The following NOB1 variants were observed in gnomAD, a reference collection of about 807,000 sequenced individuals.
NOB1 encodes the protein RNA-binding protein NOB1.
NOB1 carries 44 observed loss-of-function variants against 44.8 expected under a neutral mutation model. That is an observed-to-expected ratio of 0.98 (90% CI 0.77 to 1.26). The LOEUF is 1.26. NOB1 is among the 50% of genes most tolerant of loss of function. NOB1 has a pLI of 0.00. For synonymous variants in NOB1, 238 were observed against 218.7 expected (o/e 1.09, Z -0.78); for missense variants, 560 against 544.8 (o/e 1.03, Z -0.28).
intron 3 of NOB1, among the ~76,000 whole-genome samples, chr16:69,750,470 T>A (rs935346711): frequency 2.0e-5 from 3 of 151,532 alleles, no homozygotes; most frequent in African/African-American, 4.9e-5. Flanking sequence ...TATAAAAAAA[T>A]TTTAAAATTA....
rs768744592 is a variant in NOB1, at chr16:69,752,281, T to C, written c.287A>G (p.Glu96Gly). Residue 96 changes from glutamate (E) to glycine (G), a missense_variant, in exon 3 of 9, where the codon GAG (glutamate) becomes GGG (glycine). Physicochemically the swap from Glu to Gly is moderately conservative, Grantham distance 98. Transcript: ENST00000268802. ...VLALTYQLEA[E>G]FVGVSHLKQE... ...TTTTAGGTGAGACACCCCAACAAAC[T>C]CTGCTTCCAACTGGTATGTGAGTGC... 2.8e-5 allele frequency: 45 copies of C among 1,613,246 alleles called. No individual in the cohort carries two copies. The highest frequency in any genetic ancestry group is 3.8e-5 in the Non-Finnish European group (45 of 1,179,830).
Position 69,744,945 on chromosome 16 carries a change from G to T in NOB1, c.897C>A (p.Thr299=), listed in dbSNP as rs201462080. The part of the protein sequence containing the change: ...GNKTLKKVSV[T]VSDDGTLHMH... ...TGTGCAGGGTGCCGTCGTCGCTGAC[G>T]GTCACGGACACTTTCTTCAGGGTCT... Residue 299 remains threonine, a synonymous_variant, in exon 8 of 9, where the codon ACC becomes ACA. Transcript: ENST00000268802. 2 of 1,614,162 alleles carry T rather than the reference G, an allele frequency of 1.2e-6. No homozygotes were observed. The highest frequency in any genetic ancestry group is 3.3e-5 in the Admixed American group (2 of 60,010).
intron 4 of NOB1, 104 bp downstream of exon 4, chr16:69,749,454 TG>T: frequency 6.5e-7 from 1 of 1,528,940 alleles, no homozygotes; most frequent in Non-Finnish European, 9.0e-7. Context: ...GGACAAACTA[TG>T]TTATTGGTCC....
chr16:69,748,138 C>G, intron 7 of NOB1, 94 bp downstream of exon 7: 1 of 907,872 alleles, frequency 1.1e-6, no homozygotes, highest in Non-Finnish European at 1.7e-6. Flanking sequence ...GCACTCCAGC[C>G]TAGGTGACAG....
rs1221169615 is a variant in NOB1, at chr16:69,754,906, G to A, written c.5C>T (p.Ala2Val). 6.3e-7 allele frequency: 1 copy of A among 1,583,950 alleles called. No homozygotes were observed. Among genetic ancestry groups the A allele is most frequent in the Non-Finnish European group, 8.6e-7 (1 of 1,166,304 alleles). Residue 2 changes from alanine to valine, a missense_variant, in exon 1 of 9, where the codon GCT becomes GTT. Ala to Val is a moderately conservative substitution (Grantham distance 64). Transcript: ENST00000268802. ...ATCCGCCACAACGTGCTCCACTGGA[G>A]CCATGTTGGCTGCGTGAGAGGGGAG... The part of the protein sequence containing the change: M[A>V]PVEHVVADAG...
chr16:69,754,540 C>G (rs1487964435), intron 2 of NOB1, 54 bp downstream of exon 2: 1 of 1,601,842 alleles, frequency 6.2e-7, no homozygotes, highest in African/African-American at 1.3e-5. Context: ...CAACTGGGTG[C>G]CATCTGCGCC....
rs528901716 is a variant in NOB1 at position 69,742,288 on chromosome 16, C to T, written c.*44G>A. 50 of 1,587,064 alleles carry T rather than the reference C, an allele frequency of 3.2e-5. No homozygotes were observed. In the Middle Eastern group the frequency reaches 5.1e-4, roughly 16 times the overall value. On this transcript the variant is annotated 3_prime_UTR_variant, in exon 9 of 9. Transcript: ENST00000268802. Reference sequence around the variant, plus strand: ...GGGGAAATGGGTCACCGGAACTCCACGGCGGCCAGACGCCCATCCAATTTG... The same window carrying T: ...GGGGAAATGGGTCACCGGAACTCCATGGCGGCCAGACGCCCATCCAATTTG...
intron 3 of NOB1, among the ~76,000 whole-genome samples, chr16:69,750,521 G>A (rs1597617597): frequency 6.6e-6 from 1 of 152,066 alleles, no homozygotes; most frequent in East Asian, 1.9e-4. Context: ...CAGCTACTCG[G>A]GAGGCTGAGG....
rs778600602 is a variant in NOB1, at chr16:69,742,326, C to T, written c.*6G>A. 1.6e-5 allele frequency: 26 copies of T among 1,606,068 alleles called. No homozygotes were observed. In the Admixed American group the frequency reaches 1.7e-4, roughly 10 times the overall value. ...CCCATCCAATTTGCCTGCGGGAACT[C>T]GCTCTTCACCTTTTCTTCACAAACT... On this transcript the variant is annotated 3_prime_UTR_variant, in exon 9 of 9. Coordinates refer to ENST00000268802, the MANE Select transcript of NOB1 (RefSeq NM_014062.3).
Position 69,742,254 on chromosome 16 carries a change from G to A in NOB1, c.*78C>T, listed in dbSNP as rs997678776. On this transcript the variant is annotated 3_prime_UTR_variant, in exon 9 of 9. Coordinates refer to ENST00000268802, the MANE Select transcript of NOB1 (RefSeq NM_014062.3). ...ATTTCCATCGGGTGGTCCTGGAGAC[G>A]ACACGGCTGGGGAAATGGGTCACCG... The A allele has an allele frequency of 1.9e-5, 30 of 1,546,122 alleles. No individual in the cohort carries two copies. The highest frequency in any genetic ancestry group is 7.3e-5 in the Admixed American group (4 of 54,964).
At chr16:69,753,298 T>G (rs543054562) in intron 2 of NOB1, among the ~76,000 whole-genome samples, 2 of 152,342 alleles carry the variant, frequency 1.3e-5, no homozygotes, top group South Asian at 4.1e-4. Flanking sequence ...TGTAGTAGTC[T>G]ATGAGGAAAC....
chr16:69,744,776 G>T, intron 8 of NOB1, 97 bp downstream of exon 8: 2 of 1,377,148 alleles, frequency 1.5e-6, no homozygotes, highest in Non-Finnish European at 2.0e-6. Context: ...GCTTTCAATC[G>T]CCCATCTTGC....
rs555909981 is a variant in NOB1 at position 69,752,594 on chromosome 16, A to G, written c.197-223T>C. Among the ~76,000 whole-genome samples, 26 of 152,362 alleles carry G rather than the reference A, an allele frequency of 1.7e-4. No individual in the cohort carries two copies. The South Asian group carries it at 5.2e-3, about 30-fold the overall frequency. On this transcript the variant is annotated intron_variant, in intron 2 of 8. Coordinates refer to ENST00000268802, the MANE Select transcript of NOB1 (RefSeq NM_014062.3). Reference sequence around the variant, plus strand: ...TTTGTATTCTCCACCACCAAGATTCATGCCAGTTAGATTTACTGTAACACC... The same window carrying G: ...TTTGTATTCTCCACCACCAAGATTCGTGCCAGTTAGATTTACTGTAACACC...
chr16:69,751,033 A>C, intron 3 of NOB1, among the ~76,000 whole-genome samples: 1 of 152,214 alleles, frequency 6.6e-6, no homozygotes, highest in East Asian at 1.9e-4. Flanking sequence ...TTTTGAAGGA[A>C]GCAAGGTTCG....
At chr16:69,753,408 T>A (rs1170558884) in intron 2 of NOB1, among the ~76,000 whole-genome samples, 3 of 152,204 alleles carry the variant, frequency 2.0e-5, no homozygotes, top group Non-Finnish European at 2.9e-5. Flanking sequence ...AACAGAAAGA[T>A]GTCTCCTGCT....
At position 69,752,249 on chromosome 16, in the gene NOB1, G is replaced by A. The variant is rs761590982; in HGVS notation, c.319C>T (p.Pro107Ser). 7 of 1,611,492 alleles carry A rather than the reference G, an allele frequency of 4.3e-6. No individual in the cohort carries two copies. In the African/African-American group the frequency reaches 8.0e-5, roughly 18 times the overall value. ...FVGVSHLKQE[P>S]QKVKVSSSIQ... is the part of the protein sequence containing the mutation. The stretch of plus-strand genomic sequence containing the variant: ...CCATCCTCTTGATTTACCTTCTGTG[G>A]TTCTTGTTTTAGGTGAGACACCCCA... The change falls in exon 3 of 9, where the codon CCA becomes TCA. Residue 107 changes from proline to serine, a missense_variant. Coordinates refer to ENST00000268802, the MANE Select transcript of NOB1 (RefSeq NM_014062.3).
chr16:69,752,472 T>C (rs2038491063), intron 2 of NOB1, 101 bp from the exon 3 acceptor site: 1 of 1,201,784 alleles, frequency 8.3e-7, no homozygotes, highest in Non-Finnish European at 1.2e-6. Context: ...ATCAAAATAA[T>C]GGAAGTATCA....
intron 7 of NOB1, 46 bp downstream of exon 7, chr16:69,748,186 A>G (rs1196318747): frequency 3.6e-6 from 5 of 1,401,546 alleles, no homozygotes; most frequent in Non-Finnish European, 4.0e-6. Context: ...AGAAACAGGA[A>G]GAGTGTTCCA....
chr16:69,746,966 G>T (rs1486350476), intron 7 of NOB1, among the ~76,000 whole-genome samples: 2 of 152,030 alleles, frequency 1.3e-5, no homozygotes, highest in African/African-American at 4.8e-5. Context: ...GCTCATGCCT[G>T]TAATCTCAGC....
Sources: allele counts gnomAD v4.1 joint callset (sites outside exome capture counted in the v4.1 genomes callset), GRCh38; gene constraint gnomAD v4.1.1; transcripts MANE v1.5; gene names NCBI Gene and HGNC (gene_info 2026-07-23, HGNC 2026-07-21).